The following MROH9 variants were observed in gnomAD, a reference collection of about 807,000 sequenced individuals.
The protein encoded by MROH9 is maestro heat like repeat family member 9, also known as maestro heat-like repeat-containing protein family member 9.
MROH9 carries 92 observed loss-of-function variants against 98.2 expected under a neutral mutation model. The observed-to-expected ratio is 0.94, with a 90% CI of 0.79 to 1.11. MROH9 has a LOEUF of 1.11. MROH9 is among the 50% of genes most tolerant of loss of function. The pLI is 0.00. For synonymous variants in MROH9, 397 were observed against 368.9 expected (o/e 1.08, Z -0.87); for missense variants, 1,057 against 1,014.8 (o/e 1.04, Z -0.57).
intron 2 of MROH9, among the ~76,000 whole-genome samples, chr1:170,947,290 G>C (rs1017132016): frequency 1.3e-5 from 2 of 151,834 alleles, no homozygotes; most frequent in African/African-American, 2.4e-5. Context: ...AATACTACTT[G>C]GGTATAGGCT....
intron 20 of MROH9, among the ~76,000 whole-genome samples, chr1:171,051,759 A>G (rs1486211979): frequency 1.8e-4 from 27 of 152,242 alleles, no homozygotes; most frequent in Admixed American, 1.8e-3. Flanking sequence ...AATTAAATTT[A>G]AATTTAATTT....
At chr1:171,012,499 ATTT>A (rs372676922) in intron 15 of MROH9, among the ~76,000 whole-genome samples, 14 of 114,204 alleles carry the variant, frequency 1.2e-4, no homozygotes, top group East Asian at 7.0e-4. Flanking sequence ...TAAAACTGTC[ATTT>A]TTTTTTTTTT....
chr1:170,962,453 G>A (rs771201192), intron 6 of MROH9, among the ~76,000 whole-genome samples: 1 of 152,176 alleles, frequency 6.6e-6, no homozygotes, highest in South Asian at 2.1e-4. Context: ...TTTCACAACT[G>A]AGACCTCACT....
intron 8 of MROH9, among the ~76,000 whole-genome samples, chr1:170,979,503 TC>T (rs1287574540): frequency 6.6e-6 from 1 of 152,220 alleles, no homozygotes; most frequent in African/African-American, 2.4e-5. Flanking sequence ...GATCTATACT[TC>T]ATATATATTC....
In MROH9 at chr1:170,983,466, C is replaced by T; in HGVS notation, c.661C>T (p.Gln221Ter). The T allele has an allele frequency of 6.2e-7, 1 of 1,613,280 alleles. No individual in the cohort carries two copies. Among genetic ancestry groups the T allele is most frequent in the Non-Finnish European group, 8.5e-7 (1 of 1,179,552 alleles). Residue 221 changes from glutamine (Q) to a stop codon, truncating the protein, a stop_gained, in exon 9 of 22, where the codon CAG (glutamine) becomes TAG (stop). Coordinates refer to ENST00000367759, the MANE Select transcript of MROH9 (RefSeq NM_001163629.2). LOFTEE classifies it high-confidence loss of function. ...TACAAACGGTAAAAGTCATAGCCTC[C>T]AGTTTCCTTCTTCTGATGTAGAATT... Reference protein sequence around the residue: ...KPTNGKSHSLQFPSSDVEFLP... With the variant: ...KPTNGKSHSL
At chr1:171,048,396 A>G (rs908687873) in intron 20 of MROH9, among the ~76,000 whole-genome samples, 1 of 152,046 alleles carries the variant, frequency 6.6e-6, no homozygotes, top group Non-Finnish European at 1.5e-5. Context: ...CCCCTCTCCA[A>G]AGGCAGAGGA....
rs550105862 is a variant in MROH9 at position 171,027,176 on chromosome 1, T to C, written c.2281+1756T>C. On this transcript the variant is annotated intron_variant, in intron 20 of 21. Transcript: ENST00000367759. ...GTGCCATGGTGGTTCGCTGCCCCTA[T>C]TGACTGGCCCTCTAAGTTCCCTCGC... is the stretch of plus-strand genomic sequence containing the variant. 2.7e-5 allele frequency among the ~76,000 whole-genome samples: 4 copies of C among 150,784 alleles called. No homozygotes were observed. In the South Asian group the frequency reaches 8.3e-4, roughly 31 times the overall value.
At chr1:171,014,835 C>T (rs41310903) in intron 16 of MROH9, among the ~76,000 whole-genome samples, 13,960 of 152,226 alleles carry the variant, frequency 0.092, 767 homozygotes, top group Middle Eastern at 0.17. Flanking sequence ...TGGAGACTTG[C>T]TAGAAATGCA....
intron 20 of MROH9, among the ~76,000 whole-genome samples, chr1:171,055,636 A>G (rs1033241276): frequency 3.3e-5 from 5 of 151,564 alleles, no homozygotes; most frequent in Non-Finnish European, 7.4e-5. Flanking sequence ...AAAAAAAAAA[A>G]AAAAAGATAC....
chr1:170,960,061 T>C (rs1649958950), intron 5 of MROH9, among the ~76,000 whole-genome samples: 1 of 152,216 alleles, frequency 6.6e-6, no homozygotes, highest in Non-Finnish European at 1.5e-5. Flanking sequence ...TTCTTCAGTT[T>C]GTGGAGAGAA....
At chr1:170,973,699 A>G (rs1650568977) in intron 8 of MROH9, among the ~76,000 whole-genome samples, 1 of 152,138 alleles carries the variant, frequency 6.6e-6, no homozygotes, top group African/African-American at 2.4e-5. Context: ...AAAATGGTGA[A>G]TCCCCGTCTC....
chr1:170,974,620 G>T (rs2101789364), intron 8 of MROH9, among the ~76,000 whole-genome samples: 1 of 152,088 alleles, frequency 6.6e-6, no homozygotes, highest in African/African-American at 2.4e-5. Flanking sequence ...ACAAGAGTTG[G>T]TAGAATTAAT....
chr1:170,942,609 G>A (rs1015298024), intron 1 of MROH9, among the ~76,000 whole-genome samples: 1 of 152,092 alleles, frequency 6.6e-6, no homozygotes, highest in South Asian at 2.1e-4. Context: ...CAGTTATGGA[G>A]TAACAGCTGA....
Position 170,986,730 on chromosome 1 carries a change from G to A in MROH9, c.879+20G>A, listed in dbSNP as rs1252664842. 6.2e-7 allele frequency: 1 copy of A among 1,610,748 alleles called. No homozygotes were observed. On this transcript the variant is annotated intron_variant, in intron 10 of 21. Transcript: ENST00000367759. ...ACCATGGTAAGATACTTGACAATAA[G>A]CAGGAGAGCACAGGGTTTACTCTCT... is the stretch of plus-strand genomic sequence containing the variant.
At chr1:170,964,892 C>A (rs796175713) in intron 6 of MROH9, among the ~76,000 whole-genome samples, 31 of 152,072 alleles carry the variant, frequency 2.0e-4, no homozygotes, top group African/African-American at 6.3e-4. Context: ...TGGTGCCTAA[C>A]AAAGTGACTA....
chr1:170,994,127 T>G (rs943654044), intron 12 of MROH9, among the ~76,000 whole-genome samples: 1 of 152,168 alleles, frequency 6.6e-6, no homozygotes, highest in South Asian at 2.1e-4. Context: ...AAGTGATGCA[T>G]TTTTGTATAT....
intron 15 of MROH9, among the ~76,000 whole-genome samples, chr1:171,000,450 G>C (rs965330088): frequency 2.6e-5 from 4 of 151,934 alleles, no homozygotes; most frequent in South Asian, 2.1e-4. Context: ...AATCATAAAG[G>C]GATGCTGGAC....
chr1:171,008,134 T>TA (rs1451923286), intron 15 of MROH9, among the ~76,000 whole-genome samples: 1 of 152,256 alleles, frequency 6.6e-6, no homozygotes, highest in Non-Finnish European at 1.5e-5. Flanking sequence ...ATTTCACTAT[T>TA]AAGACAGTTA....
chr1:171,024,301 G>GTGTGTGTGTGTGT lies in MROH9; in HGVS notation c.1909-94_1909-93insTGTGTGTGTGTGT, dbSNP rs1553219573. ...ATATACATATATAGTATATTTATAT[G>GTGTGTGTGTGTGT]GGGTGTGTGTGTGTGTGTGTGTGTG... On this transcript the variant is annotated intron_variant, in intron 17 of 21. Transcript: ENST00000367759. 83 of 718,724 alleles carry GTGTGTGTGTGTGT rather than the reference G, an allele frequency of 1.2e-4. No homozygotes were observed. The African/African-American group carries it at 1.8e-3, about 15-fold the overall frequency. The allele number at this position is 718,724 out of a possible 1,614,324, so 44.5% of individuals were successfully genotyped here.
Sources: allele counts gnomAD v4.1 joint callset (sites outside exome capture counted in the v4.1 genomes callset), GRCh38; gene constraint gnomAD v4.1.1; transcripts MANE v1.5; gene names NCBI Gene and HGNC (gene_info 2026-07-23, HGNC 2026-07-21).